The following SATL1 variants were observed in gnomAD, a reference collection of about 807,000 sequenced individuals.
SATL1 encodes the protein spermidine/spermine N1-acetyl transferase like 1, also known as spermidine/spermine N(1)-acetyltransferase-like protein 1.
In SATL1, 47 loss-of-function variants were observed where a neutral mutation model predicts 51.8. That is an observed-to-expected ratio of 0.91 (90% CI 0.72 to 1.16). The LOEUF (loss-of-function observed/expected upper bound fraction) is 1.16. Among genes scored for constraint, SATL1 ranks in the 50% most tolerant of loss-of-function variants. The pLI, the probability that SATL1 is intolerant of heterozygous loss-of-function variation, is 0.00. For synonymous variants in SATL1, 176 were observed against 182.4 expected (o/e 0.97, Z 0.28); for missense variants, 520 against 526.4 (o/e 0.99, Z 0.12).
intron 2 of SATL1, among the ~76,000 whole-genome samples, chrX:85,203,114 C>A (rs1472096004): frequency 2.7e-5 from 3 of 111,460 alleles, no homozygotes; most frequent in Non-Finnish European, 5.7e-5. Context: ...CTAGTCACCT[C>A]GGATTTTCCA....
chrX:85,204,804 A>G (rs924201983), intron 2 of SATL1, among the ~76,000 whole-genome samples: 31 of 112,398 alleles, frequency 2.8e-4, no homozygotes, highest in Non-Finnish European at 3.2e-4. Context: ...GTTCTGATCA[A>G]GAAGTGAGAC....
chrX:85,188,589 T>C (rs1927365566), intron 2 of SATL1, among the ~76,000 whole-genome samples: 1 of 111,039 alleles, frequency 9.0e-6, no homozygotes, highest in Non-Finnish European at 1.9e-5. Flanking sequence ...GAGGCTATAG[T>C]GAGCTGTGAT....
At chrX:85,174,831 T>C (rs1843285439) in intron 2 of SATL1, among the ~76,000 whole-genome samples, 1 of 111,625 alleles carries the variant, frequency 9.0e-6, no homozygotes, top group Non-Finnish European at 1.9e-5. Flanking sequence ...TGAAAATAAA[T>C]AGAGAATGAA....
intron 2 of SATL1, among the ~76,000 whole-genome samples, chrX:85,127,973 A>G (rs1483769108): frequency 9.7e-6 from 1 of 103,214 alleles, no homozygotes; most frequent in Non-Finnish European, 1.9e-5. Context: ...AAGGACAAGA[A>G]CTTATCCTTT....
intron 1 of SATL1, among the ~76,000 whole-genome samples, chrX:85,235,958 A>G (rs768101536): frequency 4.0e-4 from 45 of 111,581 alleles, no homozygotes; most frequent in African/African-American, 1.4e-3. Context: ...CAAGATAAAA[A>G]GAGAGAAGAC....
chrX:85,148,582 A>T (rs1170890677), intron 2 of SATL1, among the ~76,000 whole-genome samples: 3 of 111,556 alleles, frequency 2.7e-5, no homozygotes, highest in South Asian at 3.8e-4. Flanking sequence ...CGGGTTACCC[A>T]CAAAGGGAAG....
intron 2 of SATL1, among the ~76,000 whole-genome samples, chrX:85,186,487 C>T (rs1315900846): frequency 1.8e-5 from 2 of 111,107 alleles, no homozygotes; most frequent in South Asian, 3.8e-4. Context: ...CACTTTGGCA[C>T]ATGGTGGTAT....
rs1240914971 is a variant in SATL1, at chrX:85,139,839, CTTTTAAAAATA to C, written c.-312-30570_-312-30560del. 3.6e-5 allele frequency among the ~76,000 whole-genome samples: 4 copies of C among 111,591 alleles called. No homozygotes were observed. The East Asian group carries it at 1.1e-3, about 32-fold the overall frequency. Reference sequence around the variant, plus strand: ...TATTTCTATGAACACCCCAACCTGCCTTTTAAAAATATTTTTACTAAAGTATTACATTCAGA... The same window carrying C: ...TATTTCTATGAACACCCCAACCTGCCTTTTTACTAAAGTATTACATTCAGA... On this transcript the variant is annotated intron_variant, in intron 2 of 7. Coordinates refer to ENST00000644105, the MANE Select transcript of SATL1 (RefSeq NM_001367857.2).
intron 2 of SATL1, among the ~76,000 whole-genome samples, chrX:85,138,900 C>T (rs1353410551): frequency 8.9e-6 from 1 of 111,802 alleles, no homozygotes; most frequent in Non-Finnish European, 1.9e-5. Flanking sequence ...TGAAGATTTT[C>T]TGCAGCAAAG....
At chrX:85,166,748 C>T (rs1029186816) in intron 2 of SATL1, among the ~76,000 whole-genome samples, 4 of 109,939 alleles carry the variant, frequency 3.6e-5, no homozygotes, top group Non-Finnish European at 7.6e-5. Flanking sequence ...AGTAGAGCTA[C>T]GATTTGATCC....
At chrX:85,112,834 C>A (rs1925290370) in intron 2 of SATL1, among the ~76,000 whole-genome samples, 1 of 111,184 alleles carries the variant, frequency 9.0e-6, no homozygotes, top group South Asian at 3.9e-4. Flanking sequence ...AAACAGTTAA[C>A]AACTGCCTGA....
At chrX:85,165,271 G>A (rs1039069685) in intron 2 of SATL1, among the ~76,000 whole-genome samples, 2 of 110,801 alleles carry the variant, frequency 1.8e-5, no homozygotes, top group African/African-American at 6.6e-5. Context: ...GTCGGATTAG[G>A]TTAATTTGAC....
chrX:85,165,505 T>G (rs1926815379), intron 2 of SATL1, among the ~76,000 whole-genome samples: 1 of 110,793 alleles, frequency 9.0e-6, no homozygotes, highest in Non-Finnish European at 1.9e-5. Context: ...GGTACCTAAT[T>G]GAATAGCTTA....
chrX:85,180,247 TTCTC>T (rs1027935367), intron 2 of SATL1, among the ~76,000 whole-genome samples: 2 of 111,389 alleles, frequency 1.8e-5, no homozygotes, highest in Non-Finnish European at 3.8e-5. Context: ...TCCTCTTCCA[TTCTC>T]TTCAGTATTC....
rs1925183481 is a variant in SATL1 at position 85,108,886 on chromosome X, C to G, written c.83G>C (p.Gly28Ala). 4 of 1,211,496 alleles carry G rather than the reference C, an allele frequency of 3.3e-6. No homozygotes were observed. Among genetic ancestry groups the G allele is most frequent in the Non-Finnish European group, 4.5e-6 (4 of 895,484 alleles). Residue 28 changes from glycine (G) to alanine (A), a missense_variant, in exon 3 of 8, where the codon GGT becomes GCT. By Grantham distance (60) the Gly-to-Ala change is moderately conservative. This residue lies in a region of SATL1 where 22 missense variants were observed against 23.8 expected (regional missense o/e 0.92). Coordinates refer to ENST00000644105, the MANE Select transcript of SATL1 (RefSeq NM_001367857.2). ...TTGGTTCATGTCCATTTGGTTCATACCAAGTGAGTTTGTGCTTGGCTGGTT... is the reference window on the plus strand; with the variant it reads ...TTGGTTCATGTCCATTTGGTTCATAGCAAGTGAGTTTGTGCTTGGCTGGTT... Reference protein sequence around the residue: ...GINQPSTNSLGMNQMDMNQGS... With the variant: ...GINQPSTNSLAMNQMDMNQGS...
intron 2 of SATL1, among the ~76,000 whole-genome samples, chrX:85,169,844 CA>C (rs1290644823): frequency 1.3e-4 from 15 of 111,435 alleles, no homozygotes; most frequent in African/African-American, 4.6e-4. Flanking sequence ...TAGCACTATT[CA>C]CAATGGCAAA....
At chrX:85,217,279 A>G (rs151156791) in intron 2 of SATL1, among the ~76,000 whole-genome samples, 1,692 of 111,318 alleles carry the variant, frequency 0.015, 14 homozygotes, top group Non-Finnish European at 0.025. Context: ...ATTACCCTTA[A>G]TTATAGCCAC....
At chrX:85,189,291 A>G (rs1408302003) in intron 2 of SATL1, among the ~76,000 whole-genome samples, 1 of 111,848 alleles carries the variant, frequency 8.9e-6, no homozygotes, top group Admixed American at 9.5e-5. Context: ...CTGAGACTAC[A>G]GGTATGTGCC....
At chrX:85,225,791 A>T (rs1049687759) in intron 1 of SATL1, among the ~76,000 whole-genome samples, 6 of 111,694 alleles carry the variant, frequency 5.4e-5, no homozygotes, top group Non-Finnish European at 1.1e-4. Context: ...GATTTCTGGC[A>T]TTCAACCCTA....
Sources: allele counts gnomAD v4.1 joint callset (sites outside exome capture counted in the v4.1 genomes callset), GRCh38; gene constraint gnomAD v4.1.1; regional missense constraint gnomAD v4.1.1; transcripts MANE v1.5; gene names NCBI Gene and HGNC (gene_info 2026-07-23, HGNC 2026-07-21).